The following OPN4 variants were observed in gnomAD, a reference collection of about 807,000 sequenced individuals.
OPN4 encodes melanopsin.
OPN4 carries 43 observed loss-of-function variants against 49.5 expected under a neutral mutation model. The observed-to-expected ratio is 0.87, with a 90% CI of 0.68 to 1.12. The LOEUF (loss-of-function observed/expected upper bound fraction) is 1.12. Among genes scored for constraint, OPN4 ranks in the 50% most tolerant of loss-of-function variants. OPN4 has a pLI of 0.00. For missense variants in OPN4, 657 were observed against 643.9 expected, an observed-to-expected ratio of 1.02 and a Z score of -0.22; for synonymous variants, 263 against 258.0, an observed-to-expected ratio of 1.02 and a Z score of -0.19.
chr10:86,665,738 A>G lies in OPN4; in HGVS notation c.1424A>G (p.Asp475Gly). The G allele has an allele frequency of 6.2e-7, 1 of 1,613,530 alleles. No individual in the cohort carries two copies. Among genetic ancestry groups the G allele is most frequent in the Non-Finnish European group, 8.5e-7 (1 of 1,179,626 alleles). Residue 475 changes from aspartate (D) to glycine (G), a missense_variant, in exon 10 of 10, where the codon GAC becomes GGC. Physicochemically the swap from Asp to Gly is moderately conservative, Grantham distance 94 (BLOSUM62 -1). Transcript: ENST00000241891. ...GKTKGLIPSQDPRM is the reference protein window; with the variant it reads ...GKTKGLIPSQGPRM ...ACCAAGGGGCTGATCCCCAGCCAGG[A>G]CCCCAGGATGTAGGACGCCCACTGG...
rs12262894 is a variant in OPN4, at chr10:86,663,735, G to A, written c.1331G>A (p.Gly444Asp). 2.5e-3 allele frequency: 4,009 copies of A among 1,578,798 alleles called. 89 individuals carry two copies. The African/African-American group carries it at 0.049, about 19-fold the overall frequency. The stretch of plus-strand genomic sequence containing the variant: ...AATGGGCGGTCCCTCTACGGTCAGG[G>A]TCTGGAGGACTTGGAAGCCAAGGCA... Reference protein sequence around the residue: ...QANGRSLYGQGLEDLEAKAPP... With the variant: ...QANGRSLYGQDLEDLEAKAPP... Residue 444 changes from glycine to aspartate, a missense_variant, in exon 9 of 10, where the codon GGT becomes GAT. Coordinates refer to ENST00000241891, the MANE Select transcript of OPN4 (RefSeq NM_033282.4).
chr10:86,657,211 G>A (rs1349034215), intron 2 of OPN4: 1 of 780,690 alleles, frequency 1.3e-6, no homozygotes, highest in Non-Finnish European at 2.4e-6. Context: ...GCTTCGTGGA[G>A]TCACTGTGAT....
rs1465653345 is a variant in OPN4 at position 86,654,797 on chromosome 10, CG to C, written c.18del (p.Pro7GlnfsTer70). 6.2e-7 allele frequency: 1 copy of C among 1,612,002 alleles called. No individual in the cohort carries two copies. Among genetic ancestry groups the C allele is most frequent in the African/African-American group, 1.3e-5 (1 of 74,908 alleles). On this transcript the variant is annotated frameshift_variant, in exon 1 of 10. Coordinates refer to ENST00000241891, the MANE Select transcript of OPN4 (RefSeq NM_033282.4). LOFTEE classifies it high-confidence loss of function. MNPP[S>X]GPRVPPSPTQ... ...TCCCAACTCAGGATGAACCCTCCTT[CG>C]GGGCCAAGAGTCCCGCCCAGCCCAA... is the stretch of plus-strand genomic sequence containing the variant.
rs775030330 is a variant in OPN4, at chr10:86,656,327, G to A, written c.290+27G>A. 19 of 1,564,450 alleles carry A rather than the reference G, an allele frequency of 1.2e-5. 1 individual carries two copies. The African/African-American group carries it at 1.5e-4, about 12-fold the overall frequency. Reference sequence around the variant, plus strand: ...TGCCTGGTTGGTGGTGCTGGGCCCAGGGCACTGAGGGTGGCAGCCATGCAG... The same window carrying A: ...TGCCTGGTTGGTGGTGCTGGGCCCAAGGCACTGAGGGTGGCAGCCATGCAG... On this transcript the variant is annotated intron_variant, in intron 2 of 9. Transcript: ENST00000241891.
Position 86,658,175 on chromosome 10 carries a change from G to A in OPN4, c.424+10G>A. The A allele has an allele frequency of 6.2e-7, 1 of 1,612,254 alleles. No homozygotes were observed. The highest frequency in any genetic ancestry group is 8.5e-7 in the Non-Finnish European group (1 of 1,179,582). On this transcript the variant is annotated intron_variant, in intron 3 of 9. Transcript: ENST00000241891. Reference sequence around the variant, plus strand: ...CTCTTTGGGGAGACAGGTAGATGCTGGGGCTCCCTTTTGCTGGAGGGAGGA... The same window carrying A: ...CTCTTTGGGGAGACAGGTAGATGCTAGGGCTCCCTTTTGCTGGAGGGAGGA...
At chr10:86,659,526 G>T in intron 5 of OPN4, 58 bp downstream of exon 5, 2 of 1,566,192 alleles carry the variant, frequency 1.3e-6, no homozygotes, top group Non-Finnish European at 1.7e-6. Flanking sequence ...CGGCCAGGCG[G>T]CCCCTGCCCC....
chr10:86,659,115 A>C (rs541186855), intron 4 of OPN4, among the ~76,000 whole-genome samples, 182 bp from the exon 5 acceptor site: 24 of 152,316 alleles, frequency 1.6e-4, no homozygotes, highest in African/African-American at 5.5e-4. Context: ...TCTAGCAGGA[A>C]TGGGAGGCAG....
At position 86,664,222 on chromosome 10, in the gene OPN4, A is replaced by G. The variant is rs1240254316; in HGVS notation, c.1398+420A>G. On this transcript the variant is annotated intron_variant, in intron 9 of 9. Coordinates refer to ENST00000241891, the MANE Select transcript of OPN4 (RefSeq NM_033282.4). ...CACATGCTCTGTCACTGTAACACCC[A>G]GTGACACGTGACTAAGCATGCCCTA... Among the ~76,000 whole-genome samples, 6 of 152,220 alleles carry G rather than the reference A, an allele frequency of 3.9e-5. 1 individual carries two copies. The highest frequency in any genetic ancestry group is 8.8e-5 in the Non-Finnish European group (6 of 68,044).
rs1844172365 is a variant in OPN4 at position 86,666,125 on chromosome 10, C to G, written c.*374C>G. ...CCAGCTATTTATGAGCCTCTGCCCC[C>G]AGGCTGGGCCTGTCACTGGCATAGG... On this transcript the variant is annotated 3_prime_UTR_variant, in exon 10 of 10. Coordinates refer to ENST00000241891, the MANE Select transcript of OPN4 (RefSeq NM_033282.4). 1 of 248,354 alleles carries G rather than the reference C, an allele frequency of 4.0e-6. No homozygotes were observed. The highest frequency in any genetic ancestry group is 6.9e-5 in the South Asian group (1 of 14,508). 15.4% of individuals were successfully genotyped at this position (248,354 alleles called of 1,614,324 possible).
chr10:86,663,587 G>C, intron 8 of OPN4, 72 bp from the exon 9 acceptor site: 1 of 1,363,952 alleles, frequency 7.3e-7, no homozygotes, highest in Non-Finnish European at 9.7e-7. Context: ...AGGAGGGCCT[G>C]GTGGGGTAAG....
At position 86,659,998 on chromosome 10, in the gene OPN4, A is replaced by G. The variant is rs1564621094; in HGVS notation, c.904A>G (p.Ile302Val). Reference sequence around the variant, plus strand: ...GATGGCCAAGATCATGCTGCTGGTCATCCTCCTCTTCGTGCTCTCCTGGGC... The same window carrying G: ...GATGGCCAAGATCATGCTGCTGGTCGTCCTCCTCTTCGTGCTCTCCTGGGC... ...CKMAKIMLLVILLFVLSWAPY... is the reference protein window; with the variant it reads ...CKMAKIMLLVVLLFVLSWAPY... Residue 302 changes from isoleucine to valine, a missense_variant, in exon 6 of 10, where the codon ATC becomes GTC. Physicochemically the swap from Ile to Val is conservative, Grantham distance 29. Transcript: ENST00000241891. 1.9e-6 allele frequency: 3 copies of G among 1,614,196 alleles called. No homozygotes were observed. Among genetic ancestry groups the G allele is most frequent in the South Asian group, 2.2e-5 (2 of 91,086 alleles).
chr10:86,658,658 C>CCTGGAGTCTGCCACCCTTCTTCGG lies in OPN4; in HGVS notation c.607_628+2dup, dbSNP rs767871950. On this transcript the variant is annotated inframe_insertion, in exon 4 of 10. Transcript: ENST00000241891. ...CTGGGCGTTTGGCTCTATGCCCTGGCCTGGAGTCTGCCACCCTTCTTCGGC... is the reference window on the plus strand; with the variant it reads ...CTGGGCGTTTGGCTCTATGCCCTGGCCTGGAGTCTGCCACCCTTCTTCGGCTGGAGTCTGCCACCCTTCTTCGGC... 1 of 1,613,424 alleles carries CCTGGAGTCTGCCACCCTTCTTCGG rather than the reference C, an allele frequency of 6.2e-7. No homozygotes were observed.
At chr10:86,665,582 C>T in intron 9 of OPN4, 131 bp from the exon 10 acceptor site, 2 of 728,882 alleles carry the variant, frequency 2.7e-6, no homozygotes, top group East Asian at 5.0e-5. Context: ...CCATCCCTGA[C>T]CCAGGACACA....
chr10:86,660,427 T>C (rs1033116045), intron 6 of OPN4, among the ~76,000 whole-genome samples: 4 of 152,226 alleles, frequency 2.6e-5, no homozygotes, highest in African/African-American at 9.6e-5. Context: ...AGAGCTGCCC[T>C]TCTAGCCCTT....
At position 86,661,240 on chromosome 10, in the gene OPN4, G is replaced by A. The variant is rs1057339690; in HGVS notation, c.966-41G>A. The A allele has an allele frequency of 1.2e-5, 18 of 1,524,154 alleles. No homozygotes were observed. In the African/African-American group the frequency reaches 1.6e-4, roughly 14 times the overall value. 94.4% of individuals were successfully genotyped at this position (1,524,154 alleles called of 1,614,324 possible). On this transcript the variant is annotated intron_variant, in intron 6 of 9. Transcript: ENST00000241891. ...TGGCCCAGAAGAGAAGGTGTGTCAG[G>A]AGGGCCAGCTAGCTTGGGGACCACA...
chr10:86,662,560 A>C (rs1844039559), intron 8 of OPN4, 128 bp downstream of exon 8: 1 of 880,950 alleles, frequency 1.1e-6, no homozygotes, highest in African/African-American at 1.7e-5. Flanking sequence ...GGACGCTGGC[A>C]CCCTGGCAGG....
chr10:86,665,532 G>A (rs187708472), intron 9 of OPN4, among the ~76,000 whole-genome samples, 181 bp from the exon 10 acceptor site: 21 of 152,122 alleles, frequency 1.4e-4, no homozygotes, highest in Middle Eastern at 3.4e-3. Context: ...AGCGTTAGGC[G>A]TTACCAGCTC....
chr10:86,658,588 G>T lies in OPN4; in HGVS notation c.529G>T (p.Ala177Ser). ...DRYLVITRPLATFGVASKRRA... is the reference protein window; with the variant it reads ...DRYLVITRPLSTFGVASKRRA... ...CTACCTGGTAATCACACGCCCGCTG[G>T]CCACCTTTGGTGTGGCGTCCAAGAG... is the stretch of plus-strand genomic sequence containing the variant. Residue 177 changes from alanine (A) to serine (S), a missense_variant, in exon 4 of 10, where the codon GCC becomes TCC. Coordinates refer to ENST00000241891, the MANE Select transcript of OPN4 (RefSeq NM_033282.4). The T allele has an allele frequency of 6.2e-7, 1 of 1,614,168 alleles. No homozygotes were observed. The highest frequency in any genetic ancestry group is 1.1e-5 in the South Asian group (1 of 91,092).
intron 1 of OPN4, 140 bp downstream of exon 1, chr10:86,655,067 T>C: frequency 1.2e-6 from 1 of 815,904 alleles, no homozygotes. Flanking sequence ...TTACTGGACC[T>C]CTCTGAGCCC....
Sources: gnomAD v4.1 joint callset for allele counts (sites outside exome capture counted in the v4.1 genomes callset) on GRCh38, gnomAD v4.1.1 for gene constraint, MANE v1.5 for transcripts, NCBI Gene and HGNC (gene_info 2026-07-23, HGNC 2026-07-21) for gene names.